Variants in SH3TC1 observed in about 807,000 individuals in gnomAD.
SH3TC1 encodes SH3 domain and tetratricopeptide repeats 1.
Under a neutral mutation model 117.3 loss-of-function variants are expected in SH3TC1, and 135 were observed. That is an observed-to-expected ratio of 1.15 (90% confidence interval 1.00 to 1.33). The LOEUF (loss-of-function observed/expected upper bound fraction) is 1.33. Ranked by LOEUF, SH3TC1 falls within the 40% of genes most tolerant of loss-of-function variation. The pLI is 0.00. For synonymous variants in SH3TC1, 898 were observed against 816.9 expected (o/e 1.10, Z -1.69); for missense variants, 2,092 against 1,794.3 (o/e 1.17, Z -3.00).
intron 6 of SH3TC1, 73 bp from the exon 7 acceptor site, chr4:8,216,884 A>T: frequency 1.3e-6 from 2 of 1,491,444 alleles, no homozygotes; most frequent in Admixed American, 3.4e-5. Flanking sequence ...TCTGTCCGGC[A>T]GGGGTGTGGG....
At position 8,225,273 on chromosome 4, in the gene SH3TC1, C is replaced by G. The variant is rs181163567; in HGVS notation, c.1285+57C>G. 6.4e-7 allele frequency: 1 copy of G among 1,574,456 alleles called. No individual in the cohort carries two copies. The highest frequency in any genetic ancestry group is 1.8e-5 in the Admixed American group (1 of 55,448). Reference sequence around the variant, plus strand: ...GGTTATGAGCTGGGCCTTGGGGTAACGCTGGGGGAGGTGACAAAGCTGAGC... The same window carrying G: ...GGTTATGAGCTGGGCCTTGGGGTAAGGCTGGGGGAGGTGACAAAGCTGAGC... On this transcript the variant is annotated intron_variant, in intron 11 of 17. Transcript: ENST00000245105. This position sits in a 1 kb window ranked among gnomAD's most constrained non-coding sequence, Gnocchi z 5.5.
rs373897411 is a variant in SH3TC1 at position 8,205,393 on chromosome 4, G to T, written c.172+27G>T. 1 of 1,397,302 alleles carries T rather than the reference G, an allele frequency of 7.2e-7. No individual in the cohort carries two copies. The highest frequency in any genetic ancestry group is 2.3e-5 in the Admixed American group (1 of 43,828). 86.6% of individuals were successfully genotyped at this position (1,397,302 alleles called of 1,614,324 possible). A position where few individuals can be genotyped will look rare whatever the true frequency, so the allele number is the denominator to read the frequency against. Reference sequence around the variant, plus strand: ...TGAGTTCATTCCACCCTCACCACCCGCCCTCCATCCCACCCACTTCTCCAC... The same window carrying T: ...TGAGTTCATTCCACCCTCACCACCCTCCCTCCATCCCACCCACTTCTCCAC... On this transcript the variant is annotated intron_variant, in intron 2 of 17. Coordinates refer to ENST00000245105, the MANE Select transcript of SH3TC1 (RefSeq NM_018986.5). This position sits in a 1 kb window ranked among gnomAD's most constrained non-coding sequence, Gnocchi z 5.4.
chr4:8,233,990 CATCCATCCATCCTTCCATTT>C (rs1721520865), intron 14 of SH3TC1, among the ~76,000 whole-genome samples: 1 of 76,968 alleles, frequency 1.3e-5, no homozygotes, highest in Admixed American at 1.3e-4. Flanking sequence ...ATCCATCCAT[CATCCATCCATCCTTCCATTT>C]ATCCATCCAT....
chr4:8,205,938 C>T lies in SH3TC1; in HGVS notation c.172+572C>T, dbSNP rs1247479685. 15 of 468,662 alleles carry T rather than the reference C, an allele frequency of 3.2e-5. No homozygotes were observed. The highest frequency in any genetic ancestry group is 1.8e-4 in the Admixed American group (5 of 27,848). 29.0% of individuals were successfully genotyped at this position (468,662 alleles called of 1,614,324 possible). On this transcript the variant is annotated intron_variant, in intron 2 of 17. Transcript: ENST00000245105. This position sits in a 1 kb window ranked among gnomAD's most constrained non-coding sequence, Gnocchi z 5.4. ...GAGGCAGGGGAGACCAAGGCCTGCA[C>T]GGCCCCTCCCGGCAGGAGACAGCTG...
Position 8,216,265 on chromosome 4 carries a change from T to A in SH3TC1, c.628+8T>A, listed in dbSNP as rs751575157. 1.2e-6 allele frequency: 2 copies of A among 1,611,668 alleles called. No individual in the cohort carries two copies. The highest frequency in any genetic ancestry group is 1.7e-6 in the Non-Finnish European group (2 of 1,179,040). On this transcript the variant is annotated splice_region_variant and intron_variant, in intron 6 of 17. Transcript: ENST00000245105. The stretch of plus-strand genomic sequence containing the variant: ...GCCTCCTCATCCAAGAAGGTGAGCG[T>A]TGCATGGGGTGATGGCCGAGATCCA...
rs1718219464 is a variant in SH3TC1, at chr4:8,206,478, C to A, written c.172+1112C>A. 6.6e-6 allele frequency among the ~76,000 whole-genome samples: 1 copy of A among 152,116 alleles called. No individual in the cohort carries two copies. The highest frequency in any genetic ancestry group is 1.5e-5 in the Non-Finnish European group (1 of 68,006). On this transcript the variant is annotated intron_variant, in intron 2 of 17. Transcript: ENST00000245105. The surrounding 1 kb of genome is among the most constrained non-coding windows in gnomAD (Gnocchi z 5.5). ...CCAGCCTCCCACAGAGCCGCGGGGC[C>A]CAGGGAGGAGCTGGGAGCCTCTGGG...
At chr4:8,218,449 A>G (rs1053417497) in intron 8 of SH3TC1, 102 bp downstream of exon 8, 5 of 783,756 alleles carry the variant, frequency 6.4e-6, no homozygotes, top group Admixed American at 2.6e-5. Flanking sequence ...AGCCAGAGAG[A>G]TAGCTATCAG....
At chr4:8,236,225 G>A (rs1334149539) in intron 15 of SH3TC1, 53 bp from the exon 16 acceptor site, 27 of 1,496,952 alleles carry the variant, frequency 1.8e-5, no homozygotes, top group Non-Finnish European at 2.1e-5. Flanking sequence ...TGAGGAGGGC[G>A]CTGGGCAAGG....
intron 13 of SH3TC1, chr4:8,233,051 C>T: frequency 8.1e-7 from 1 of 1,239,658 alleles, no homozygotes; most frequent in South Asian, 1.7e-5. Flanking sequence ...AGCATCTGAA[C>T]ACTGATGGCT....
At position 8,232,013 on chromosome 4, in the gene SH3TC1, C is replaced by T. The variant is rs142075418; in HGVS notation, c.2988C>T (p.Tyr996=). Residue 996 remains tyrosine, a synonymous_variant, in exon 13 of 18, where the codon TAC becomes TAT. Transcript: ENST00000245105. ...CCGTCCAGCGGCTGTGCCACTTCTA[C>T]AGCGCCGTCATGCCCAGCGAGGCCC... ...LRAVQRLCHF[Y]SAVMPSEAQC... 11 of 1,612,688 alleles carry T rather than the reference C, an allele frequency of 6.8e-6. No individual in the cohort carries two copies. In the African/African-American group the frequency reaches 1.3e-4, roughly 20 times the overall value.
intron 7 of SH3TC1, 31 bp from the exon 8 acceptor site, chr4:8,218,240 C>T (rs201214130): frequency 1.8e-4 from 281 of 1,580,818 alleles, no homozygotes; most frequent in Non-Finnish European, 2.1e-4. Context: ...TCTGAAATCC[C>T]GCAGCAAAGA....
rs139890356 is a variant in SH3TC1 at position 8,227,651 on chromosome 4, C to T, written c.1957C>T (p.Arg653Trp). The change falls in exon 12 of 18, where the codon CGG becomes TGG. Residue 653 changes from arginine to tryptophan, a missense_variant. Physicochemically the swap from Arg to Trp is moderately radical, Grantham distance 101 (BLOSUM62 -3). Transcript: ENST00000245105. ...GGGGGAGCTCCTGCAGCTGGCGCTG[C>T]GGCGGGCGGTGGGTGGCCAGAGCCT... ...AEGELLQLAL[R>W]RAVGGQSLQA... 5.4e-3 allele frequency: 8,255 copies of T among 1,527,206 alleles called. 36 individuals carry two copies. Among genetic ancestry groups the T allele is most frequent in the Admixed American group, 7.1e-3 (332 of 46,620 alleles). 94.6% of individuals were successfully genotyped at this position (1,527,206 alleles called of 1,614,324 possible).
At chr4:8,234,505 A>G (rs369416390) in intron 14 of SH3TC1, among the ~76,000 whole-genome samples, 1,494 of 147,070 alleles carry the variant, frequency 0.01, 36 homozygotes, top group South Asian at 0.076. Context: ...CCATCCATCC[A>G]TTCATCTGTC....
intron 14 of SH3TC1, among the ~76,000 whole-genome samples, chr4:8,234,326 C>T (rs1460565454): frequency 1.3e-5 from 2 of 151,752 alleles, no homozygotes; most frequent in Admixed American, 6.6e-5. Flanking sequence ...ATTAATCCAT[C>T]CCTCCATTCG....
At chr4:8,193,714 G>A (rs956636873) in intron 1 of SH3TC1, among the ~76,000 whole-genome samples, 1 of 152,188 alleles carries the variant, frequency 6.6e-6, no homozygotes, top group African/African-American at 2.4e-5. Context: ...AGATGGGGGT[G>A]CTGCCATCGC....
chr4:8,229,689 C>A (rs1720946261), intron 12 of SH3TC1, among the ~76,000 whole-genome samples: 1 of 151,780 alleles, frequency 6.6e-6, no homozygotes, highest in African/African-American at 2.4e-5. Flanking sequence ...CACTGGGGAG[C>A]CATCTGCCCA....
In SH3TC1 at chr4:8,236,353, C is replaced by T. The variant is rs1256866050; in HGVS notation, c.3481C>T (p.Leu1161=). 3.2e-6 allele frequency: 5 copies of T among 1,549,814 alleles called. No individual in the cohort carries two copies. Among genetic ancestry groups the T allele is most frequent in the Admixed American group, 2.0e-5 (1 of 50,980 alleles). The change falls in exon 16 of 18, where the codon CTG becomes TTG. Residue 1161 remains leucine (L), a synonymous_variant. Coordinates refer to ENST00000245105, the MANE Select transcript of SH3TC1 (RefSeq NM_018986.5). Reference sequence around the variant, plus strand: ...GCGGCTGTGCAACAAGCTGGTGGCACTGCTGGCCACGCTGGAGGAGCCCCA... The same window carrying T: ...GCGGCTGTGCAACAAGCTGGTGGCATTGCTGGCCACGCTGGAGGAGCCCCA... ...ELRLCNKLVA[L]LATLEEPQEG...
rs1265594168 is a variant in SH3TC1, at chr4:8,235,535, A to C, written c.3385A>C (p.Lys1129Gln). The C allele has an allele frequency of 6.2e-7, 1 of 1,603,374 alleles. No homozygotes were observed. Among genetic ancestry groups the C allele is most frequent in the Non-Finnish European group, 8.5e-7 (1 of 1,174,336 alleles). ...CTTCGACGGGGCCTGGGAGCGGGAG[A>C]AAGCTGTGTCCTTCTACCGGGTGAG... ...IFFDGAWERE[K>Q]AVSFYRDRAL... Residue 1129 changes from lysine (K) to glutamine (Q), a missense_variant, in exon 15 of 18, where the codon AAA becomes CAA. Lys to Gln is a moderately conservative substitution (Grantham distance 53). Transcript: ENST00000245105.
At chr4:8,188,565 GGGGGA>G (rs1717300853) in intron 1 of SH3TC1, among the ~76,000 whole-genome samples, 1 of 152,354 alleles carries the variant, frequency 6.6e-6, no homozygotes, top group Middle Eastern at 3.4e-3. Flanking sequence ...GTGGGCCAGT[GGGGGA>G]GTTTCCCGGT....
Sources: gnomAD v4.1 joint callset for allele counts (sites outside exome capture counted in the v4.1 genomes callset) on GRCh38, gnomAD v4.1.1 for gene constraint, Gnocchi (gnomAD v3.1) non-coding constraint, MANE v1.5 for transcripts, NCBI Gene and HGNC (gene_info 2026-07-23, HGNC 2026-07-21) for gene names.